Variants in PTPRA observed in about 807,000 individuals in gnomAD.
The protein encoded by PTPRA is protein tyrosine phosphatase receptor type A, also known as receptor-type tyrosine-protein phosphatase alpha.
In PTPRA, 25 loss-of-function variants were observed where a neutral mutation model predicts 104.8. The ratio of observed to expected loss-of-function variants is 0.24; its 90% CI spans 0.17 to 0.33. PTPRA has a LOEUF of 0.33. PTPRA is among the 10% of genes least tolerant of loss of function. The pLI, the probability that PTPRA is intolerant of heterozygous loss-of-function variation, is 1.00. For synonymous variants in PTPRA, 323 were observed against 368.9 expected (o/e 0.88, Z 1.43); for missense variants, 765 against 1,015.3 (o/e 0.75, Z 3.35).
intron 13 of PTPRA, among the ~76,000 whole-genome samples, chr20:3,019,802 G>A (rs1157566596): frequency 1.3e-5 from 2 of 152,174 alleles, no homozygotes; most frequent in South Asian, 2.1e-4. Context: ...CTGAGTGAAC[G>A]AGACTCCGTC....
chr20:2,974,739 A>G (rs1027372841), intron 5 of PTPRA, among the ~76,000 whole-genome samples: 1 of 152,054 alleles, frequency 6.6e-6, no homozygotes, highest in Admixed American at 6.6e-5. Flanking sequence ...GTCAATTTCT[A>G]ATTTTATTGC....
At chr20:2,954,657 A>T (rs1015157210) in intron 3 of PTPRA, among the ~76,000 whole-genome samples, 1 of 152,098 alleles carries the variant, frequency 6.6e-6, no homozygotes, top group African/African-American at 2.4e-5. Flanking sequence ...TTGCTTTTTC[A>T]TTCTGTTATA....
intron 19 of PTPRA, 146 bp from the exon 20 acceptor site, chr20:3,027,561 A>C: frequency 9.4e-7 from 1 of 1,068,152 alleles, no homozygotes; most frequent in South Asian, 1.6e-5. Context: ...CTTGTCAGAT[A>C]GGGTTTCGTC....
chr20:2,951,345 C>T (rs2061348120), intron 3 of PTPRA, among the ~76,000 whole-genome samples: 1 of 152,132 alleles, frequency 6.6e-6, no homozygotes, highest in South Asian at 2.1e-4. Flanking sequence ...CGTGATCCGC[C>T]CACCTCAGCC....
chr20:2,914,240 C>T (rs2059817279), intron 1 of PTPRA, among the ~76,000 whole-genome samples: 1 of 152,134 alleles, frequency 6.6e-6, no homozygotes, highest in South Asian at 2.1e-4. Context: ...CCTGCCCTAC[C>T]TCTGGAATCA....
chr20:2,906,107 A>G (rs199864066), intron 1 of PTPRA, among the ~76,000 whole-genome samples: 1 of 152,212 alleles, frequency 6.6e-6, no homozygotes, highest in Non-Finnish European at 1.5e-5. Context: ...GGTTATGGAT[A>G]TGATATATTT....
chr20:2,866,370 A>G, the PTPRA span: 1 of 1,614,018 alleles, frequency 6.2e-7, no homozygotes. Context: ...GGCTGGTGAG[A>G]GGCAGGGTTT....
At chr20:2,898,904 C>T (rs750768665) in intron 1 of PTPRA, among the ~76,000 whole-genome samples, 4 of 152,136 alleles carry the variant, frequency 2.6e-5, no homozygotes, top group Non-Finnish European at 2.9e-5. Flanking sequence ...TTATCTCAGT[C>T]GTGGAATCAA....
intron 20 of PTPRA, among the ~76,000 whole-genome samples, chr20:3,029,085 T>G (rs566257349): frequency 3.3e-5 from 5 of 150,712 alleles, no homozygotes; most frequent in African/African-American, 1.2e-4. Context: ...TTTACACATA[T>G]TTTCTCACCC....
At position 3,037,341 on chromosome 20, in the gene PTPRA, C is replaced by A; in HGVS notation, c.2334+52C>A. ...CCACCACACCACCTGCAGCCCTTCT[C>A]TCAGGGAGGAGGCTCTTCAGAGGGG... On this transcript the variant is annotated intron_variant, in intron 23 of 23. Coordinates refer to ENST00000399903, the MANE Select transcript of PTPRA (RefSeq NM_001385305.1). This position sits in a 1 kb window ranked among gnomAD's most constrained non-coding sequence, Gnocchi z 4.3. The A allele has an allele frequency of 1.2e-6, 2 of 1,602,522 alleles. No homozygotes were observed. The highest frequency in any genetic ancestry group is 1.1e-5 in the South Asian group (1 of 88,872).
At chr20:3,002,322 ATT>A (rs5839983) in intron 9 of PTPRA, among the ~76,000 whole-genome samples, 24,982 of 117,062 alleles carry the variant, frequency 0.21, 1,997 homozygotes, top group East Asian at 0.36. Context: ...AAATGTAGTA[ATT>A]TTTTTTTTTT....
chr20:2,914,786 T>C (rs1160221339), intron 1 of PTPRA, among the ~76,000 whole-genome samples: 1 of 152,190 alleles, frequency 6.6e-6, no homozygotes, highest in Non-Finnish European at 1.5e-5. Flanking sequence ...CAAATTCACC[T>C]ACTTGCTAAA....
chr20:2,896,220 C>CA (rs1275091964), intron 1 of PTPRA, among the ~76,000 whole-genome samples: 3 of 151,716 alleles, frequency 2.0e-5, no homozygotes, highest in South Asian at 2.1e-4. Flanking sequence ...ACTAAAAATA[C>CA]AAAAAAAATT....
At chr20:2,988,289 G>T (rs368762418) in intron 8 of PTPRA, 49 bp from the exon 9 acceptor site, 9 of 1,566,396 alleles carry the variant, frequency 5.7e-6, no homozygotes, top group Non-Finnish European at 6.9e-6. Context: ...CCAGAAGAGG[G>T]GCTAGGTTCT....
chr20:2,867,116 A>G, the PTPRA span, among the ~76,000 whole-genome samples: 2 of 152,258 alleles, frequency 1.3e-5, no homozygotes, highest in Non-Finnish European at 2.9e-5. Context: ...ATTGAGGACC[A>G]GGGAGTTCGA....
At chr20:2,978,224 C>G (rs1808279427) in intron 6 of PTPRA, among the ~76,000 whole-genome samples, 1 of 152,042 alleles carries the variant, frequency 6.6e-6, no homozygotes, top group African/African-American at 2.4e-5. Flanking sequence ...GAAAGATATT[C>G]CAGAGGACTT....
At chr20:2,947,688 C>A (rs1017451368) in intron 2 of PTPRA, among the ~76,000 whole-genome samples, 16 of 152,122 alleles carry the variant, frequency 1.1e-4, no homozygotes, top group African/African-American at 3.4e-4. Context: ...TTTAGCTCAG[C>A]AGGAACTCTT....
intron 9 of PTPRA, among the ~76,000 whole-genome samples, chr20:2,995,225 G>T (rs2148209457): frequency 6.6e-6 from 1 of 152,254 alleles, no homozygotes; most frequent in East Asian, 1.9e-4. Context: ...CCTATCATTT[G>T]TAATGATCCA....
intron 11 of PTPRA, among the ~76,000 whole-genome samples, chr20:3,014,299 GT>G (rs1433062763): frequency 1.3e-5 from 2 of 152,178 alleles, no homozygotes; most frequent in African/African-American, 2.4e-5. Flanking sequence ...CTCCTTCTGT[GT>G]TGGGCAGCAA....
Sources: allele counts gnomAD v4.1 joint callset (sites outside exome capture counted in the v4.1 genomes callset), GRCh38; gene constraint gnomAD v4.1.1; non-coding constraint Gnocchi (gnomAD v3.1); transcripts MANE v1.5; gene names NCBI Gene and HGNC (gene_info 2026-07-23, HGNC 2026-07-21).